CASQ2: variants seen among roughly 807,000 people sequenced by gnomAD.
CASQ2 encodes the protein calsequestrin-2.
Under a neutral mutation model 46.5 loss-of-function variants are expected in CASQ2, and 49 were observed. The observed-to-expected ratio is 1.05, with a 90% CI of 0.84 to 1.34. The LOEUF (loss-of-function observed/expected upper bound fraction) is 1.34. Ranked by LOEUF, CASQ2 falls within the 40% of genes most tolerant of loss-of-function variation. The pLI, the probability that CASQ2 is intolerant of heterozygous loss-of-function variation, is 0.00. For synonymous variants in CASQ2, 174 were observed against 168.5 expected, an observed-to-expected ratio of 1.03 and a Z score of -0.25; for missense variants, 486 against 481.3, an observed-to-expected ratio of 1.01 and a Z score of -0.09.
At chr1:115,733,040 T>C (rs1268731993) in intron 4 of CASQ2, 66 bp from the exon 5 acceptor site, 2 of 1,181,674 alleles carry the variant, frequency 1.7e-6, no homozygotes, top group Non-Finnish European at 2.5e-6. Context: ...ATCTTCTTTT[T>C]AAATGGTGTA....
At chr1:115,738,459 C>T in intron 3 of CASQ2, 124 bp from the exon 4 acceptor site, 1 of 746,526 alleles carries the variant, frequency 1.3e-6, no homozygotes, top group South Asian at 1.4e-5. Flanking sequence ...ATATCTATTC[C>T]ATTCTCCCCA....
At chr1:115,730,047 G>C (rs1002520676) in intron 5 of CASQ2, among the ~76,000 whole-genome samples, 2 of 152,166 alleles carry the variant, frequency 1.3e-5, no homozygotes, top group Non-Finnish European at 2.9e-5. Flanking sequence ...TCTTCAGAGA[G>C]GTTGGGCCTT....
intron 5 of CASQ2, 71 bp from the exon 6 acceptor site, chr1:115,727,193 A>T (rs1487510922): frequency 1.7e-6 from 2 of 1,188,176 alleles, no homozygotes; most frequent in Non-Finnish European, 2.5e-6. Context: ...TGTCCATCTA[A>T]GATAAGTGTG....
chr1:115,753,785 A>G (rs991175028), intron 1 of CASQ2, among the ~76,000 whole-genome samples: 1 of 152,060 alleles, frequency 6.6e-6, no homozygotes, highest in African/African-American at 2.4e-5. Context: ...CTAATTTACT[A>G]CACAGTCAGA....
intron 8 of CASQ2, among the ~76,000 whole-genome samples, chr1:115,716,239 A>G (rs1425749851): frequency 1.3e-5 from 2 of 152,184 alleles, no homozygotes; most frequent in Non-Finnish European, 2.9e-5. Flanking sequence ...CTGCAAAATC[A>G]ATTTTCCTGC....
At chr1:115,710,721 C>A (rs4423004) in intron 8 of CASQ2, among the ~76,000 whole-genome samples, 88,788 of 151,884 alleles carry the variant, frequency 0.58, 26,436 homozygotes, top group African/African-American at 0.68. Context: ...GTGGGACTGG[C>A]GTCTCAGAGA....
chr1:115,738,556 C>T (rs974191738), intron 3 of CASQ2, among the ~76,000 whole-genome samples: 27 of 152,192 alleles, frequency 1.8e-4, no homozygotes, highest in Non-Finnish European at 3.5e-4. Flanking sequence ...GCAACCTATT[C>T]CTTTTGCCAG....
intron 3 of CASQ2, 151 bp downstream of exon 3, chr1:115,740,577 A>C: frequency 1.5e-6 from 1 of 661,384 alleles, no homozygotes; most frequent in Admixed American, 2.3e-5. Flanking sequence ...ACAGTGCAAT[A>C]ATATAGGTGC....
intron 8 of CASQ2, among the ~76,000 whole-genome samples, chr1:115,710,487 C>A (rs908124383): frequency 1.3e-5 from 2 of 152,184 alleles, no homozygotes; most frequent in Admixed American, 1.3e-4. Context: ...CATCTTCCTT[C>A]CTCGAGTGCT....
At position 115,700,116 on chromosome 1, in the gene CASQ2, CAT is replaced by C. The variant is rs56839330; in HGVS notation, c.*1123_*1124del. On this transcript the variant is annotated 3_prime_UTR_variant, in exon 11 of 11. Coordinates refer to ENST00000261448, the MANE Select transcript of CASQ2 (RefSeq NM_001232.4). Reference sequence around the variant, plus strand: ...CAAAAAATTTGCACAGTGTCTTACACATGTGCTAAAAGATTGAGAAAATAAAT... The same window carrying C: ...CAAAAAATTTGCACAGTGTCTTACACGTGCTAAAAGATTGAGAAAATAAAT... 0.24 allele frequency: 36,104 copies of C among 152,464 alleles called. 4,297 individuals carry two copies. Among genetic ancestry groups the C allele is most frequent in the South Asian group, 0.29 (1,398 of 4,808 alleles). 9.4% of individuals were successfully genotyped at this position (152,464 alleles called of 1,614,324 possible).
At chr1:115,734,055 T>G (rs1161977599) in intron 4 of CASQ2, among the ~76,000 whole-genome samples, 1 of 151,946 alleles carries the variant, frequency 6.6e-6, no homozygotes, top group Non-Finnish European at 1.5e-5. Context: ...CAAGCACAGG[T>G]GAGAGAGGGG....
At chr1:115,702,894 G>A in intron 10 of CASQ2, 27 bp downstream of exon 10, 1 of 1,583,076 alleles carries the variant, frequency 6.3e-7, no homozygotes. Flanking sequence ...AAGGGTGCCT[G>A]AGCAAGCCTT....
At chr1:115,747,517 A>G (rs570464985) in intron 1 of CASQ2, among the ~76,000 whole-genome samples, 7 of 152,248 alleles carry the variant, frequency 4.6e-5, no homozygotes, top group Non-Finnish European at 7.4e-5. Context: ...AAAAAAAAAT[A>G]TTACTAGAAT....
chr1:115,717,787 T>G (rs1570807506), intron 8 of CASQ2, 53 bp downstream of exon 8: 9 of 1,310,958 alleles, frequency 6.9e-6, no homozygotes, highest in African/African-American at 1.4e-5. Flanking sequence ...CTGGCAAAGG[T>G]GAGAAATCAG....
chr1:115,712,431 G>A (rs1310352566), intron 8 of CASQ2, among the ~76,000 whole-genome samples: 4 of 152,154 alleles, frequency 2.6e-5, no homozygotes, highest in East Asian at 3.9e-4. Flanking sequence ...GCCCAGACTC[G>A]GGGCTGGACT....
At chr1:115,704,695 C>T (rs1410069034) in intron 9 of CASQ2, among the ~76,000 whole-genome samples, 7 of 152,148 alleles carry the variant, frequency 4.6e-5, no homozygotes, top group Non-Finnish European at 1.0e-4. Flanking sequence ...GTTTCTTTCA[C>T]ATTCATCGTA....
chr1:115,709,305 C>T (rs7541344), intron 8 of CASQ2, among the ~76,000 whole-genome samples: 3 of 152,018 alleles, frequency 2.0e-5, no homozygotes, highest in African/African-American at 4.8e-5. Flanking sequence ...TGTAGGAAGC[C>T]GCATTTCACT....
Position 115,764,849 on chromosome 1 carries a change from G to T in CASQ2, c.234+3459C>A, listed in dbSNP as rs183639281. ...CACCTTCTCCTCTTCCCCTTGTCAA[G>T]CCCTGTTCTCACGACAGAATTCAGA... On this transcript the variant is annotated intron_variant, in intron 1 of 10. Coordinates refer to ENST00000261448, the MANE Select transcript of CASQ2 (RefSeq NM_001232.4). Among the ~76,000 whole-genome samples, 206 of 152,234 alleles carry T rather than the reference G, an allele frequency of 1.4e-3. 2 individuals carry two copies. Among genetic ancestry groups the T allele is most frequent in the African/African-American group, 4.7e-3 (195 of 41,542 alleles).
At chr1:115,763,883 A>T (rs922837425) in intron 1 of CASQ2, among the ~76,000 whole-genome samples, 3 of 152,302 alleles carry the variant, frequency 2.0e-5, no homozygotes, top group Admixed American at 1.3e-4. Context: ...GAAAAAGAGG[A>T]AGCAGGAAAC....
Sources: gnomAD v4.1 joint callset for allele counts (sites outside exome capture counted in the v4.1 genomes callset) on GRCh38, gnomAD v4.1.1 for gene constraint, MANE v1.5 for transcripts, NCBI Gene and HGNC (gene_info 2026-07-23, HGNC 2026-07-21) for gene names.